Variants in MAGI2 observed in about 807,000 individuals in gnomAD.
MAGI2 encodes membrane-associated guanylate kinase, WW and PDZ domain-containing protein 2.
MAGI2 carries 35 observed loss-of-function variants against 133.3 expected under a neutral mutation model. The observed-to-expected ratio is 0.26, with a 90% CI of 0.20 to 0.35. MAGI2 has a LOEUF of 0.35. Among genes scored for constraint, MAGI2 ranks in the 10% least tolerant of loss-of-function variants. The pLI is 1.00. For missense variants in MAGI2, 1,636 were observed against 1,863.4 expected, an observed-to-expected ratio of 0.88 and a Z score of 2.25; for synonymous variants, 729 against 710.6, an observed-to-expected ratio of 1.03 and a Z score of -0.41.
chr7:78,767,856 T>C (rs1825187909), intron 2 of MAGI2, among the ~76,000 whole-genome samples: 1 of 152,248 alleles, frequency 6.6e-6, no homozygotes, highest in Admixed American at 6.5e-5. Flanking sequence ...AGACACTTAT[T>C]TCCAAATGTG....
At chr7:78,502,578 T>G (rs1794717888) in intron 4 of MAGI2, among the ~76,000 whole-genome samples, 1 of 111,396 alleles carries the variant, frequency 9.0e-6, no homozygotes, top group Non-Finnish European at 2.1e-5. Flanking sequence ...TTGTTATGAT[T>G]ATTCTATTAT....
At chr7:78,730,941 TC>T (rs1261762314) in intron 2 of MAGI2, among the ~76,000 whole-genome samples, 2 of 152,056 alleles carry the variant, frequency 1.3e-5, no homozygotes, top group African/African-American at 4.8e-5. Context: ...TAAAAATCTC[TC>T]CTTACACTAC....
chr7:78,290,167 A>C (rs1003888970), intron 9 of MAGI2, among the ~76,000 whole-genome samples: 3 of 152,208 alleles, frequency 2.0e-5, no homozygotes. Context: ...CAAATTGGAT[A>C]AAGAGTCAAG....
intron 6 of MAGI2, among the ~76,000 whole-genome samples, chr7:78,480,946 T>C (rs904029644): frequency 1.3e-5 from 2 of 152,094 alleles, no homozygotes; most frequent in South Asian, 4.1e-4. Flanking sequence ...GGGCTTATCA[T>C]GTTCATGGAT....
At chr7:79,429,179 T>C (rs984307984) in intron 1 of MAGI2, among the ~76,000 whole-genome samples, 1 of 152,204 alleles carries the variant, frequency 6.6e-6, no homozygotes, top group South Asian at 2.1e-4. Context: ...GAACAGCTTT[T>C]GATCTTTTCC....
chr7:78,789,222 TA>T (rs1385568495), intron 2 of MAGI2, among the ~76,000 whole-genome samples: 1 of 152,194 alleles, frequency 6.6e-6, no homozygotes. Context: ...AAAACCAAGA[TA>T]AAATGGTTAT....
chr7:79,213,329 C>CACGT (rs1381090094), intron 1 of MAGI2, among the ~76,000 whole-genome samples: 5 of 148,548 alleles, frequency 3.4e-5, no homozygotes, highest in Admixed American at 1.3e-4. Flanking sequence ...CACACGTACA[C>CACGT]ACACACACAC....
intron 6 of MAGI2, among the ~76,000 whole-genome samples, chr7:78,422,580 CA>C (rs11441295): frequency 0.048 from 5,419 of 112,652 alleles, 172 homozygotes; most frequent in African/African-American, 0.11. Context: ...TGTGTAAAGG[CA>C]AAAAAAAAAA....
At chr7:79,193,833 G>A (rs189288700) in intron 1 of MAGI2, among the ~76,000 whole-genome samples, 14 of 151,850 alleles carry the variant, frequency 9.2e-5, no homozygotes, top group African/African-American at 1.9e-4. Flanking sequence ...ATTCTTGGGC[G>A]TTGCAAACCG....
At chr7:78,343,997 A>C in intron 8 of MAGI2, 37 bp from the exon 9 acceptor site, 1 of 1,581,780 alleles carries the variant, frequency 6.3e-7, no homozygotes. Flanking sequence ...AGAAAAAGGC[A>C]TGTTCAAGTC....
chr7:79,159,134 T>G (rs1019838333), intron 1 of MAGI2, among the ~76,000 whole-genome samples: 1 of 152,088 alleles, frequency 6.6e-6, no homozygotes, highest in Non-Finnish European at 1.5e-5. Flanking sequence ...AAGGATCTCA[T>G]GCGGTAAATT....
intron 1 of MAGI2, among the ~76,000 whole-genome samples, chr7:79,315,164 C>CTTT (rs33911640): frequency 0.59 from 82,696 of 140,460 alleles, 25,320 homozygotes; most frequent in Non-Finnish European, 0.68. Flanking sequence ...AGATTTAACT[C>CTTT]TTTTTTTTTT....
At chr7:78,537,273 T>C (rs1340113892) in intron 3 of MAGI2, among the ~76,000 whole-genome samples, 1 of 152,164 alleles carries the variant, frequency 6.6e-6, no homozygotes, top group Non-Finnish European at 1.5e-5. Flanking sequence ...TTTTGTAATA[T>C]TTTTGTAATT....
chr7:78,592,340 ATTT>A (rs200747288), intron 3 of MAGI2, among the ~76,000 whole-genome samples: 1 of 147,324 alleles, frequency 6.8e-6, no homozygotes. Flanking sequence ...ATAGTAGACT[ATTT>A]TTTTTTTTTT....
At chr7:78,537,346 C>T (rs1798047210) in intron 3 of MAGI2, among the ~76,000 whole-genome samples, 2 of 152,020 alleles carry the variant, frequency 1.3e-5, no homozygotes, top group Non-Finnish European at 1.5e-5. Flanking sequence ...ACTTATTTTC[C>T]ACTGGGTAGG....
intron 21 of MAGI2, among the ~76,000 whole-genome samples, chr7:78,059,330 C>T (rs1812980393): frequency 6.6e-6 from 1 of 152,186 alleles, no homozygotes; most frequent in South Asian, 2.1e-4. Context: ...ATGTTTGCCA[C>T]CACCCATAAA....
At chr7:78,631,120 C>A (rs1350210936) in intron 2 of MAGI2, among the ~76,000 whole-genome samples, 1 of 152,204 alleles carries the variant, frequency 6.6e-6, no homozygotes, top group East Asian at 1.9e-4. Flanking sequence ...GTCTTTATTA[C>A]ACCCTCACTA....
intron 10 of MAGI2, among the ~76,000 whole-genome samples, chr7:78,237,525 G>A (rs761729825): frequency 6.6e-6 from 1 of 152,136 alleles, no homozygotes; most frequent in Non-Finnish European, 1.5e-5. Flanking sequence ...CAATTTCCCT[G>A]CCTCTAAGCT....
intron 6 of MAGI2, among the ~76,000 whole-genome samples, chr7:78,458,341 T>C (rs984635039): frequency 6.6e-6 from 1 of 150,768 alleles, no homozygotes; most frequent in African/African-American, 2.4e-5. Context: ...TCAAGTATCT[T>C]ATGTTCCTGT....
Sources: gnomAD v4.1 joint callset for allele counts (sites outside exome capture counted in the v4.1 genomes callset) on GRCh38, gnomAD v4.1.1 for gene constraint, MANE v1.5 for transcripts, NCBI Gene and HGNC (gene_info 2026-07-23, HGNC 2026-07-21) for gene names.